The following ARMH3 variants were observed in gnomAD, a reference collection of about 807,000 sequenced individuals.
ARMH3 encodes the protein armadillo-like helical domain-containing protein 3.
ARMH3 carries 60 observed loss-of-function variants against 99.1 expected under a neutral mutation model. The ratio of observed to expected loss-of-function variants is 0.61; its 90% CI spans 0.49 to 0.75. The LOEUF (loss-of-function observed/expected upper bound fraction) is 0.75, where lower values mean the gene tolerates loss of function less well. Among genes scored for constraint, ARMH3 ranks in the 30% least tolerant of loss-of-function variants. The probability of loss-of-function intolerance (pLI) is 0.00; values close to 1 mark genes in which losing one functional copy is unlikely to be tolerated. For missense variants in ARMH3, 679 were observed against 843.1 expected, an observed-to-expected ratio of 0.81 and a Z score of 2.41; for synonymous variants, 285 against 292.8, an observed-to-expected ratio of 0.97 and a Z score of 0.27.
At chr10:101,958,539 T>C (rs955665422) in intron 20 of ARMH3, among the ~76,000 whole-genome samples, 19 of 152,194 alleles carry the variant, frequency 1.2e-4, no homozygotes, top group African/African-American at 4.6e-4. Context: ...TGAGTCCTGC[T>C]TCTCTGCCCA....
chr10:102,047,545 G>A (rs2067587011), intron 1 of ARMH3, among the ~76,000 whole-genome samples: 1 of 151,376 alleles, frequency 6.6e-6, no homozygotes, highest in African/African-American at 2.4e-5. Context: ...GGGGTGCAGT[G>A]GCATGATCTC....
intron 24 of ARMH3, among the ~76,000 whole-genome samples, chr10:101,882,385 T>C (rs1468784176): frequency 1.3e-5 from 2 of 152,208 alleles, no homozygotes; most frequent in Non-Finnish European, 2.9e-5. Context: ...TAAATCACCA[T>C]GTCACAGCAT....
At chr10:101,998,694 T>A (rs2066275587) in intron 15 of ARMH3, among the ~76,000 whole-genome samples, 1 of 152,212 alleles carries the variant, frequency 6.6e-6, no homozygotes, top group South Asian at 2.1e-4. Flanking sequence ...AGTCTCCGAA[T>A]CCTGGTCTTC....
At chr10:102,021,354 A>G (rs1176401595) in intron 8 of ARMH3, among the ~76,000 whole-genome samples, 2 of 151,702 alleles carry the variant, frequency 1.3e-5, no homozygotes, top group Admixed American at 1.3e-4. Flanking sequence ...TGCTGAGATT[A>G]CAGGCGTAAG....
intron 6 of ARMH3, 96 bp downstream of exon 6, chr10:102,025,060 A>G: frequency 2.9e-6 from 3 of 1,047,698 alleles, no homozygotes; most frequent in Non-Finnish European, 4.4e-6. Context: ...CATTGAGAAT[A>G]TTTCTTCTCT....
At chr10:101,972,154 T>C (rs1217929352) in intron 20 of ARMH3, among the ~76,000 whole-genome samples, 1 of 152,220 alleles carries the variant, frequency 6.6e-6, no homozygotes, top group Non-Finnish European at 1.5e-5. Flanking sequence ...CTAATACAGC[T>C]GACTCCTCCT....
rs554344479 is a variant in ARMH3, at chr10:102,019,303, C to A, written c.669+4174G>T. Among the ~76,000 whole-genome samples, 77 of 152,158 alleles carry A rather than the reference C, an allele frequency of 5.1e-4. 1 individual carries two copies. In the South Asian group the frequency reaches 6.0e-3, roughly 12 times the overall value. On this transcript the variant is annotated intron_variant, in intron 8 of 25. Transcript: ENST00000370033. ...ACCTCATGTGATCCACCCACCTCAG[C>A]CTCCCAAAGTGCTGGGATTACAGGC...
intron 20 of ARMH3, among the ~76,000 whole-genome samples, chr10:101,958,376 T>C (rs1845138251): frequency 1.3e-5 from 2 of 152,150 alleles, no homozygotes; most frequent in Admixed American, 6.6e-5. Context: ...AGGGGAGAGA[T>C]TCCTAAAACC....
intron 23 of ARMH3, among the ~76,000 whole-genome samples, chr10:101,934,749 C>G (rs1044108638): frequency 6.6e-6 from 1 of 152,036 alleles, no homozygotes; most frequent in Non-Finnish European, 1.5e-5. Context: ...AAATTACTTA[C>G]CCTGAAAGTT....
intron 25 of ARMH3, among the ~76,000 whole-genome samples, 188 bp downstream of exon 25, chr10:101,849,588 G>T (rs1328373505): frequency 6.6e-6 from 1 of 152,230 alleles, no homozygotes; most frequent in Non-Finnish European, 1.5e-5. Context: ...CAAAGGAGAA[G>T]TAGGCAATAC....
Position 102,014,029 on chromosome 10 carries a change from T to G in ARMH3, c.670-5A>C, listed in dbSNP as rs201685935. On this transcript the variant is annotated splice_region_variant and splice_polypyrimidine_tract_variant and intron_variant, in intron 8 of 25. Transcript: ENST00000370033. ...CACAATATAAGGATTCACAGACTGT[T>G]AAATAAGAGAAGAGACTCCAGGTAA... is the stretch of plus-strand genomic sequence containing the variant. 1.2e-6 allele frequency: 2 copies of G among 1,607,398 alleles called. No homozygotes were observed. Among genetic ancestry groups the G allele is most frequent in the African/African-American group, 2.7e-5 (2 of 74,622 alleles).
intron 24 of ARMH3, among the ~76,000 whole-genome samples, chr10:101,858,816 G>T (rs1053577354): frequency 5.9e-5 from 9 of 152,194 alleles, no homozygotes; most frequent in African/African-American, 2.2e-4. Context: ...TTAGCACTCT[G>T]AAGGAGGCTC....
chr10:101,852,601 C>T (rs1200443925), intron 24 of ARMH3, among the ~76,000 whole-genome samples: 1 of 151,978 alleles, frequency 6.6e-6, no homozygotes, highest in Non-Finnish European at 1.5e-5. Flanking sequence ...ACTAAAAATA[C>T]AAACATTAGT....
chr10:101,985,892 C>A (rs1182624206), intron 19 of ARMH3, among the ~76,000 whole-genome samples: 1 of 151,834 alleles, frequency 6.6e-6, no homozygotes, highest in African/African-American at 2.4e-5. Flanking sequence ...GTGGTGGGCA[C>A]CTGTAATCCC....
chr10:102,008,622 G>A (rs573141634), intron 13 of ARMH3, among the ~76,000 whole-genome samples: 7 of 151,832 alleles, frequency 4.6e-5, no homozygotes, highest in South Asian at 2.1e-4. Flanking sequence ...GCGCGACTTC[G>A]GCTCACTGCA....
intron 23 of ARMH3, among the ~76,000 whole-genome samples, chr10:101,897,819 G>A (rs2067874523): frequency 6.6e-6 from 1 of 152,208 alleles, no homozygotes; most frequent in Admixed American, 6.5e-5. Flanking sequence ...CAATGCAACT[G>A]TCAACTTCTG....
At chr10:102,021,748 G>A (rs1039498923) in intron 8 of ARMH3, among the ~76,000 whole-genome samples, 20 of 151,818 alleles carry the variant, frequency 1.3e-4, no homozygotes, top group Non-Finnish European at 2.5e-4. Context: ...GGGTTTCACT[G>A]TGTTAGCCAG....
Position 101,847,518 on chromosome 10 carries a change from A to AG in ARMH3, c.*9dup, listed in dbSNP as rs1422669853. 2 of 1,612,642 alleles carry AG rather than the reference A, an allele frequency of 1.2e-6. No homozygotes were observed. Among genetic ancestry groups the AG allele is most frequent in the African/African-American group, 2.7e-5 (2 of 74,916 alleles). ...AAGGGCAGTCAGAGGCTGCTCAGGTAGGCGTGGCCTCAGGAGATAGTGGAG... is the reference window on the plus strand; with the variant it reads ...AAGGGCAGTCAGAGGCTGCTCAGGTAGGGCGTGGCCTCAGGAGATAGTGGAG... On this transcript the variant is annotated 3_prime_UTR_variant, in exon 26 of 26. Transcript: ENST00000370033.
At chr10:101,968,558 A>T (rs1845635149) in intron 20 of ARMH3, among the ~76,000 whole-genome samples, 1 of 152,192 alleles carries the variant, frequency 6.6e-6, no homozygotes, top group Non-Finnish European at 1.5e-5. Flanking sequence ...CAAAATGCTC[A>T]TGGGCCTATG....
Sources: allele counts gnomAD v4.1 joint callset (sites outside exome capture counted in the v4.1 genomes callset), GRCh38; gene constraint gnomAD v4.1.1; transcripts MANE v1.5; gene names NCBI Gene and HGNC (gene_info 2026-07-23, HGNC 2026-07-21).